Variants in NUMA1 observed in about 807,000 individuals in gnomAD.
NUMA1 encodes SP-H antigen.
NUMA1 carries 62 observed loss-of-function variants against 237.1 expected under a neutral mutation model. The ratio of observed to expected loss-of-function variants is 0.26; its 90% confidence interval spans 0.21 to 0.32. The LOEUF (loss-of-function observed/expected upper bound fraction) is 0.32, where lower values mean the gene tolerates loss of function less well. Among genes scored for constraint, NUMA1 ranks in the 10% least tolerant of loss-of-function variants. The pLI, the probability that NUMA1 is intolerant of heterozygous loss-of-function variation, is 1.00. For missense variants in NUMA1, 2,533 were observed against 2,666.5 expected (o/e 0.95, Z 1.10); for synonymous variants, 1,028 against 1,066.1 (o/e 0.96, Z 0.70).
chr11:72,066,198 C>G (rs913242484), intron 2 of NUMA1: 1 of 151,522 alleles, frequency 6.6e-6, no homozygotes, highest in East Asian at 1.9e-4. Flanking sequence ...CCCAGCTACT[C>G]GGGAGGCTGA....
chr11:72,050,534 C>A (rs1258472207), intron 2 of NUMA1: 1 of 152,128 alleles, frequency 6.6e-6, no homozygotes, highest in Admixed American at 6.6e-5. Flanking sequence ...GGGATTTGAA[C>A]AAACTTCAGG....
chr11:72,031,015 T>C (rs981398774), intron 3 of NUMA1, among the ~76,000 whole-genome samples: 21 of 152,050 alleles, frequency 1.4e-4, no homozygotes, highest in African/African-American at 5.1e-4. Flanking sequence ...GTAGGCCAGG[T>C]GCAGTGGCTC....
At chr11:72,063,215 C>T (rs949744220) in intron 2 of NUMA1, among the ~76,000 whole-genome samples, 1 of 151,702 alleles carries the variant, frequency 6.6e-6, no homozygotes, top group Non-Finnish European at 1.5e-5. Context: ...GAGACCTCAT[C>T]TCTACAAAAA....
At chr11:72,034,613 CAGG>C (rs1222086693) in intron 3 of NUMA1, among the ~76,000 whole-genome samples, 2 of 151,834 alleles carry the variant, frequency 1.3e-5, no homozygotes, top group East Asian at 1.9e-4. Flanking sequence ...GAGGCTGAAG[CAGG>C]AGAATTGCTT....
At chr11:72,048,546 T>A (rs921141270) in intron 2 of NUMA1, among the ~76,000 whole-genome samples, 1 of 152,116 alleles carries the variant, frequency 6.6e-6, no homozygotes, top group Non-Finnish European at 1.5e-5. Context: ...TAATTTTTTT[T>A]ATTTTTAGTA....
intron 2 of NUMA1, among the ~76,000 whole-genome samples, chr11:72,058,546 A>C (rs538844553): frequency 6.6e-6 from 1 of 152,342 alleles, no homozygotes; most frequent in South Asian, 2.1e-4. Context: ...CAATGCTGTA[A>C]TGAGTATCCT....
intron 3 of NUMA1, 83 bp downstream of exon 3, chr11:72,035,819 C>T (rs1940960067): frequency 1.6e-6 from 2 of 1,251,916 alleles, no homozygotes; most frequent in East Asian, 4.6e-5. Context: ...TTTACATAGC[C>T]CTGGCTCCTA....
At position 72,012,264 on chromosome 11, in the gene NUMA1, GA is replaced by G. The variant is rs1363070209; in HGVS notation, c.4650+136del. The G allele has an allele frequency of 1.5e-5, 12 of 812,904 alleles. No individual in the cohort carries two copies. In the South Asian group the frequency reaches 1.8e-4, roughly 12 times the overall value. The allele number at this position is 812,904 out of a possible 1,614,324, so 50.4% of individuals were successfully genotyped here. On this transcript the variant is annotated intron_variant, in intron 16 of 26. Coordinates refer to ENST00000393695, the MANE Select transcript of NUMA1 (RefSeq NM_006185.4). ...CACACTCCTGGGCAGCCTGGGCCTG[GA>G]TTCCATGGCTTGACCCTGCCCCCTT...
chr11:72,073,361 T>G (rs914841730), intron 1 of NUMA1, among the ~76,000 whole-genome samples: 1 of 150,756 alleles, frequency 6.6e-6, no homozygotes, highest in East Asian at 1.9e-4. Context: ...AGGCCATTAT[T>G]AAGCACACTC....
At chr11:72,073,068 A>AAAAAAAAAAAAAT (rs1943537324) in intron 1 of NUMA1, among the ~76,000 whole-genome samples, 1 of 145,712 alleles carries the variant, frequency 6.9e-6, no homozygotes, top group African/African-American at 2.6e-5. Context: ...AAAAAAAAAA[A>AAAAAAAAAAAAAT]GCTGCCTAGG....
Position 72,009,034 on chromosome 11 carries a change from A to C in NUMA1, c.4991T>G (p.Leu1664Arg), listed in dbSNP as rs1955953570. Reference sequence around the variant, plus strand: ...GGTCTGTTCAGCCTCCTTGGTCTTCAGCCCAGCCTGCTGTAGCTCATGGCC... The same window carrying C: ...GGTCTGTTCAGCCTCCTTGGTCTTCCGCCCAGCCTGCTGTAGCTCATGGCC... ...RLGHELQQAG[L>R]KTKEAEQTCR... The change falls in exon 19 of 27, where the codon CTG becomes CGG. Residue 1664 changes from leucine (L) to arginine (R), a missense_variant. Leu to Arg is a moderately radical substitution (Grantham distance 102). This residue lies in a region of NUMA1 where 795 missense variants were observed against 750.8 expected (regional missense o/e 1.06). Coordinates refer to ENST00000393695, the MANE Select transcript of NUMA1 (RefSeq NM_006185.4). 6.2e-7 allele frequency: 1 copy of C among 1,613,640 alleles called. No homozygotes were observed. Among genetic ancestry groups the C allele is most frequent in the Admixed American group, 1.7e-5 (1 of 60,002 alleles).
At chr11:72,076,145 G>C (rs190245249) in intron 1 of NUMA1, among the ~76,000 whole-genome samples, 1 of 152,144 alleles carries the variant, frequency 6.6e-6, no homozygotes, top group African/African-American at 2.4e-5. Context: ...AGGCTGAGGT[G>C]GGTGGATTGC....
At position 72,006,097 on chromosome 11, in the gene NUMA1, C is replaced by T. The variant is rs372962203; in HGVS notation, c.5630G>A (p.Arg1877His). ...NSALLSLPGY[R>H]PTTRSSARRS... ...ACGAGCAGAACTGCGAGTGGTGGGG[C>T]GGTAGCCAGGCAAGCTGAGCAGGGC... is the stretch of plus-strand genomic sequence containing the variant. The change falls in exon 22 of 27, where the codon CGC becomes CAC. Residue 1877 changes from arginine to histidine, a missense_variant. By Grantham distance (29) the Arg-to-His change is conservative (BLOSUM62 0). Transcript: ENST00000393695. 2.5e-5 allele frequency: 40 copies of T among 1,614,052 alleles called. No individual in the cohort carries two copies. Among genetic ancestry groups the T allele is most frequent in the African/African-American group, 8.0e-5 (6 of 75,034 alleles).
Position 72,018,242 on chromosome 11 carries a change from T to A in NUMA1, c.919A>T (p.Ser307Cys). The A allele has an allele frequency of 6.2e-7, 1 of 1,614,216 alleles. No individual in the cohort carries two copies. Among genetic ancestry groups the A allele is most frequent in the Non-Finnish European group, 8.5e-7 (1 of 1,180,026 alleles). Residue 307 changes from serine (S) to cysteine (C), a missense_variant, in exon 12 of 27, where the codon AGC (serine) becomes TGC (cysteine). Physicochemically the swap from Ser to Cys is moderately radical, Grantham distance 112. This residue lies in a region of NUMA1 where 1,414 missense variants were observed against 1,508.1 expected (regional missense o/e 0.94). Transcript: ENST00000393695. ...TGGTTGATTTTGCGATCCATCTGGC[T>A]CTTCTCTGTCTTCAGGTCCTGGCAC... ...KQCQDLKTEK[S>C]QMDRKINQLS...
intron 13 of NUMA1, chr11:72,017,443 G>C: frequency 1.8e-6 from 1 of 542,684 alleles, no homozygotes; most frequent in East Asian, 3.1e-5. Flanking sequence ...CACATCTTGT[G>C]AACAGCAGAG....
chr11:72,040,403 A>G (rs1941517271), intron 2 of NUMA1, among the ~76,000 whole-genome samples: 1 of 151,646 alleles, frequency 6.6e-6, no homozygotes, highest in Non-Finnish European at 1.5e-5. Context: ...CCAGACCTGC[A>G]ACCAGGCCTG....
rs1308567119 is a variant in NUMA1, at chr11:72,014,695, C to A, written c.2808G>T (p.Glu936Asp). Residue 936 changes from glutamate (E) to aspartate (D), a missense_variant, in exon 15 of 27, where the codon GAG becomes GAT. This residue lies in a region of NUMA1 where 1,414 missense variants were observed against 1,508.1 expected (regional missense o/e 0.94). Transcript: ENST00000393695. This position sits in a 1 kb window ranked among gnomAD's most constrained non-coding sequence, Gnocchi z 4.6. ...CTGCCCTCGCAGGCTCCTTGACTAACTCCCGGGAGGCTGTTTCCTGCTGCT... is the reference window on the plus strand; with the variant it reads ...CTGCCCTCGCAGGCTCCTTGACTAAATCCCGGGAGGCTGTTTCCTGCTGCT... Reference protein sequence around the residue: ...AGEQQETASRELVKEPARAGD... With the variant: ...AGEQQETASRDLVKEPARAGD... 2.5e-6 allele frequency: 4 copies of A among 1,613,846 alleles called. No individual in the cohort carries two copies. Among genetic ancestry groups the A allele is most frequent in the Non-Finnish European group, 3.4e-6 (4 of 1,180,046 alleles).
rs1377358007 is a variant in NUMA1, at chr11:72,035,965, C to T, written c.-22G>A. The T allele has an allele frequency of 1.2e-6, 2 of 1,613,420 alleles. No homozygotes were observed. Among genetic ancestry groups the T allele is most frequent in the African/African-American group, 1.3e-5 (1 of 75,008 alleles). Reference sequence around the variant, plus strand: ...TCATCTTGGTGATGCCAGACAGTCACTCCAATGCGCCTGGAACCCAAGAGA... The same window carrying T: ...TCATCTTGGTGATGCCAGACAGTCATTCCAATGCGCCTGGAACCCAAGAGA... On this transcript the variant is annotated 5_prime_UTR_variant, in exon 3 of 27. In the 5' UTR this introduces an upstream ATG that the reference lacks. Transcript: ENST00000393695.
At chr11:72,009,231 G>A in intron 18 of NUMA1, 37 bp downstream of exon 18, 2 of 1,594,322 alleles carry the variant, frequency 1.3e-6, no homozygotes, top group Admixed American at 1.7e-5. Flanking sequence ...TTGAAGGGCA[G>A]GAGGAAGGTG....
Sources: allele counts gnomAD v4.1 joint callset (sites outside exome capture counted in the v4.1 genomes callset), GRCh38; gene constraint gnomAD v4.1.1; regional missense constraint gnomAD v4.1.1; non-coding constraint Gnocchi (gnomAD v3.1); transcripts MANE v1.5; gene names NCBI Gene and HGNC (gene_info 2026-07-23, HGNC 2026-07-21).